Variants in MIS18A observed in about 807,000 individuals in gnomAD.
MIS18A encodes protein Mis18-alpha.
A neutral mutation model predicts 25.0 loss-of-function variants in MIS18A; 14 were observed. The ratio of observed to expected loss-of-function variants is 0.56; its 90% CI spans 0.37 to 0.88. The LOEUF is 0.88. Ranked by LOEUF, MIS18A falls within the 40% of genes least tolerant of loss-of-function variation. The pLI, the probability that MIS18A is intolerant of heterozygous loss-of-function variation, is 0.00. For synonymous variants in MIS18A, 134 were observed against 118.6 expected (o/e 1.13, Z -0.84); for missense variants, 292 against 290.8 (o/e 1.00, Z -0.03).
chr21:32,273,129 T>C (rs1209205710), intron 2 of MIS18A, among the ~76,000 whole-genome samples: 1 of 151,810 alleles, frequency 6.6e-6, no homozygotes, highest in Non-Finnish European at 1.5e-5. Context: ...TTTTTTTTTT[T>C]TCACTTTTAT....
At chr21:32,238,210 C>T in the MIS18A span, among the ~76,000 whole-genome samples, 1 of 152,154 alleles carries the variant, frequency 6.6e-6, no homozygotes, top group Non-Finnish European at 1.5e-5. Flanking sequence ...GCAAGCAAGA[C>T]AAAGAAGGCA....
At chr21:32,274,364 C>T (rs540664498) in intron 2 of MIS18A, among the ~76,000 whole-genome samples, 19 of 151,828 alleles carry the variant, frequency 1.3e-4, no homozygotes, top group African/African-American at 4.3e-4. Context: ...ACCACCATGC[C>T]CGGCTAATTT....
chr21:32,157,735 C>T, the MIS18A span, among the ~76,000 whole-genome samples: 8 of 151,828 alleles, frequency 5.3e-5, no homozygotes, highest in African/African-American at 9.7e-5. Flanking sequence ...TGTATAACTT[C>T]CTTTATTATA....
At chr21:32,260,084 C>CTGTTTTTTTTTTTTTTT in the MIS18A span, 1 of 116,980 alleles carries the variant, frequency 8.5e-6, no homozygotes, top group Non-Finnish European at 1.6e-5. Flanking sequence ...TTTTTCTCAG[C>CTGTTTTTTTTTTTTTTT]TTTTTTTTTT....
At chr21:32,202,708 C>T in the MIS18A span, among the ~76,000 whole-genome samples, 3 of 152,294 alleles carry the variant, frequency 2.0e-5, no homozygotes, top group Admixed American at 6.5e-5. Flanking sequence ...GGAGACTTTA[C>T]CTAAGTGAAA....
the MIS18A span, among the ~76,000 whole-genome samples, chr21:32,233,889 A>G: frequency 1.3e-5 from 2 of 152,158 alleles, no homozygotes; most frequent in Non-Finnish European, 2.9e-5. Context: ...GATATTCTAC[A>G]AACACCTCAC....
chr21:32,226,310 T>C, the MIS18A span, among the ~76,000 whole-genome samples: 1 of 151,422 alleles, frequency 6.6e-6, no homozygotes, highest in Non-Finnish European at 1.5e-5. Context: ...AAGTTTTTCA[T>C]AAAAAATGCA....
intron 2 of MIS18A, among the ~76,000 whole-genome samples, chr21:32,271,504 A>G (rs2031713962): frequency 6.6e-6 from 1 of 152,276 alleles, no homozygotes; most frequent in South Asian, 2.1e-4. Context: ...AACAAAGAAC[A>G]AAATGGATCA....
chr21:32,267,801 C>T (rs997606521), downstream of MIS18A, among the ~76,000 whole-genome samples: 1 of 152,210 alleles, frequency 6.6e-6, no homozygotes, highest in African/African-American at 2.4e-5. Context: ...GCCTTGTTGC[C>T]AGCGGGTGTT....
the MIS18A span, among the ~76,000 whole-genome samples, chr21:32,208,199 A>G: frequency 2.6e-4 from 39 of 152,310 alleles, no homozygotes; most frequent in East Asian, 7.1e-3. Flanking sequence ...TTCTGTGGAC[A>G]TGTGAATGTG....
At chr21:32,213,059 T>A in the MIS18A span, among the ~76,000 whole-genome samples, 1 of 152,210 alleles carries the variant, frequency 6.6e-6, no homozygotes, top group Non-Finnish European at 1.5e-5. Flanking sequence ...CTTTCAAACA[T>A]TGTTGCTGGG....
chr21:32,243,145 C>T, the MIS18A span, among the ~76,000 whole-genome samples: 8 of 152,156 alleles, frequency 5.3e-5, no homozygotes, highest in Non-Finnish European at 8.8e-5. Context: ...AAACGTTAAA[C>T]GTTTTAGAAG....
At chr21:32,211,675 G>A in the MIS18A span, among the ~76,000 whole-genome samples, 1 of 152,198 alleles carries the variant, frequency 6.6e-6, no homozygotes, top group Non-Finnish European at 1.5e-5. Context: ...TTGAACTAGA[G>A]ATTAGAAACT....
the MIS18A span, among the ~76,000 whole-genome samples, chr21:32,185,912 G>T: frequency 6.6e-6 from 1 of 152,156 alleles, no homozygotes. Flanking sequence ...TAGTGCAGGG[G>T]TCTCACCTGT....
chr21:32,210,935 A>G, the MIS18A span, among the ~76,000 whole-genome samples: 1 of 151,940 alleles, frequency 6.6e-6, no homozygotes, highest in Non-Finnish European at 1.5e-5. Context: ...TAAATTCTGG[A>G]AAAAAAATAC....
chr21:32,262,189 G>A, the MIS18A span, among the ~76,000 whole-genome samples: 1 of 152,192 alleles, frequency 6.6e-6, no homozygotes, highest in Non-Finnish European at 1.5e-5. Flanking sequence ...TGAGAATGAG[G>A]TAGTAACATA....
the MIS18A span, among the ~76,000 whole-genome samples, chr21:32,161,742 T>G: frequency 2.7e-5 from 4 of 148,828 alleles, no homozygotes; most frequent in African/African-American, 1.0e-4. Context: ...TCTGCCCACC[T>G]TGGCCTCCCA....
the MIS18A span, among the ~76,000 whole-genome samples, chr21:32,246,705 ACAGACCCTTTC>A: frequency 6.6e-6 from 1 of 152,082 alleles, no homozygotes; most frequent in South Asian, 2.1e-4. Context: ...TGGAGTCCTG[ACAGACCCTTTC>A]CAGCGCCTTC....
At chr21:32,168,972 C>A in the MIS18A span, among the ~76,000 whole-genome samples, 1 of 152,062 alleles carries the variant, frequency 6.6e-6, no homozygotes, top group African/African-American at 2.4e-5. Context: ...CTCCAAAATT[C>A]CACTCCTCCA....
Sources: gnomAD v4.1 joint callset for allele counts (sites outside exome capture counted in the v4.1 genomes callset) on GRCh38, gnomAD v4.1.1 for gene constraint, MANE v1.5 for transcripts, NCBI Gene and HGNC (gene_info 2026-07-23, HGNC 2026-07-21) for gene names.